PTPN14: variants seen among roughly 807,000 people sequenced by gnomAD.
PTPN14 encodes the protein tyrosine-protein phosphatase non-receptor type 14.
PTPN14 carries 53 observed loss-of-function variants against 126.8 expected under a neutral mutation model. The ratio of observed to expected loss-of-function variants is 0.42; its 90% CI spans 0.34 to 0.53. The LOEUF is 0.53. Ranked by LOEUF, PTPN14 falls within the 20% of genes least tolerant of loss-of-function variation. PTPN14 has a pLI of 0.08. For synonymous variants in PTPN14, 630 were observed against 599.3 expected (o/e 1.05, Z -0.75); for missense variants, 1,257 against 1,552.9 (o/e 0.81, Z 3.20).
intron 18 of PTPN14, among the ~76,000 whole-genome samples, chr1:214,363,217 T>A (rs1163873602): frequency 6.6e-6 from 1 of 152,260 alleles, no homozygotes; most frequent in African/African-American, 2.4e-5. Context: ...GGGCTACAGT[T>A]GGGATTGCCC....
chr1:214,437,887 C>T (rs970732935), intron 3 of PTPN14, among the ~76,000 whole-genome samples: 3 of 152,190 alleles, frequency 2.0e-5, no homozygotes, highest in African/African-American at 7.2e-5. Context: ...TTTAACCAAA[C>T]TTAAATGATA....
intron 1 of PTPN14, chr1:214,532,179 C>A: frequency 3.0e-6 from 1 of 327,918 alleles, no homozygotes; most frequent in South Asian, 3.8e-5. Context: ...TCCTCTCGTT[C>A]TCCTCCCCAG....
rs145657956 is a variant in PTPN14 at position 214,543,382 on chromosome 1, T to C, written c.-155+7801A>G. Among the ~76,000 whole-genome samples the C allele has an allele frequency of 2.9e-3, 441 of 152,200 alleles. 3 individuals carry two copies. Among genetic ancestry groups the C allele is most frequent in the African/African-American group, 0.01 (424 of 41,534 alleles). ...AAGTATAGCAAAATATTAAGAACCA[T>C]AGTATGAGTAACTTCAGAAAATAGC... On this transcript the variant is annotated intron_variant, in intron 1 of 18. Coordinates refer to ENST00000366956, the MANE Select transcript of PTPN14 (RefSeq NM_005401.5).
chr1:214,517,417 G>A (rs1201029164), intron 1 of PTPN14, among the ~76,000 whole-genome samples: 2 of 151,320 alleles, frequency 1.3e-5, no homozygotes, highest in African/African-American at 2.4e-5. Context: ...AAGACAAAGT[G>A]CACATTGAAT....
At chr1:214,525,874 C>T (rs1275486238) in intron 1 of PTPN14, among the ~76,000 whole-genome samples, 1 of 151,794 alleles carries the variant, frequency 6.6e-6, no homozygotes, top group Non-Finnish European at 1.5e-5. Flanking sequence ...TGCAAAAATT[C>T]AAAATGGACT....
At position 214,372,774 on chromosome 1, in the gene PTPN14, G is replaced by A. The variant is rs761473412; in HGVS notation, c.2973C>T (p.His991=). The part of the protein sequence containing the change: ...ATQGPLPHTC[H]DFWQMVWEQG... ...GCTCCCACACCATCTGCCAGAAGTC[G>A]TGGCACGTGTGTGGCAGGGGCCCCT... is the stretch of plus-strand genomic sequence containing the variant. The change falls in exon 16 of 19, where the codon CAC becomes CAT. Residue 991 remains histidine, a synonymous_variant. Coordinates refer to ENST00000366956, the MANE Select transcript of PTPN14 (RefSeq NM_005401.5). 62 of 1,614,060 alleles carry A rather than the reference G, an allele frequency of 3.8e-5. No individual in the cohort carries two copies. The highest frequency in any genetic ancestry group is 1.2e-4 in the South Asian group (11 of 91,082).
rs923276953 is a variant in PTPN14, at chr1:214,384,253, C to T, written c.1602G>A (p.Ser534=). 6.8e-6 allele frequency: 11 copies of T among 1,613,918 alleles called. No individual in the cohort carries two copies. The highest frequency in any genetic ancestry group is 5.3e-5 in the African/African-American group (4 of 74,902). The change falls in exon 13 of 19, where the codon TCG becomes TCA. Residue 534 remains serine, a synonymous_variant. Coordinates refer to ENST00000366956, the MANE Select transcript of PTPN14 (RefSeq NM_005401.5). The surrounding 1 kb of genome is among the most constrained non-coding windows in gnomAD (Gnocchi z 5.3). The stretch of plus-strand genomic sequence containing the variant: ...CCAGCTCTGGGGTGCTCACCGTGTG[C>T]GAGATGGCGCTTGCCCCCGGCTTGC... The part of the protein sequence containing the change: ...VPSKPGASAI[S]HTVSTPELAN...
Position 214,372,703 on chromosome 1 carries a change from C to G in PTPN14, c.3036+8G>C, listed in dbSNP as rs1658247159. On this transcript the variant is annotated splice_region_variant and intron_variant, in intron 16 of 18. Transcript: ENST00000366956. ...GAAAAAGGATGTGGAGTAGGCCATT[C>G]CCCTTACCTCCTCTGCAGTGACCAT... is the stretch of plus-strand genomic sequence containing the variant. The G allele has an allele frequency of 6.2e-7, 1 of 1,614,056 alleles. No homozygotes were observed. Among genetic ancestry groups the G allele is most frequent in the Admixed American group, 1.7e-5 (1 of 60,018 alleles).
At chr1:214,464,216 CAAA>C (rs11316078) in intron 2 of PTPN14, among the ~76,000 whole-genome samples, 4 of 121,968 alleles carry the variant, frequency 3.3e-5, no homozygotes, top group Non-Finnish European at 6.7e-5. Flanking sequence ...TAGAAACAAC[CAAA>C]AAAAAAAAAA....
intron 5 of PTPN14, among the ~76,000 whole-genome samples, chr1:214,410,696 T>C (rs915085878): frequency 7.2e-5 from 11 of 152,202 alleles, no homozygotes; most frequent in Admixed American, 3.3e-4. Flanking sequence ...CCAGCACCAA[T>C]TGCTGAATAT....
intron 2 of PTPN14, among the ~76,000 whole-genome samples, chr1:214,454,715 A>G (rs1423052725): frequency 6.6e-6 from 1 of 152,186 alleles, no homozygotes; most frequent in Non-Finnish European, 1.5e-5. Context: ...AACCTAATTC[A>G]TGGCATAAAT....
rs1294195456 is a variant in PTPN14 at position 214,414,630 on chromosome 1, T to C, written c.441A>G (p.Gln147=). The change falls in exon 4 of 19, where the codon CAA becomes CAG. Residue 147 remains glutamine (Q), a splice_region_variant and synonymous_variant. Transcript: ENST00000366956. ...QVIRLAGLAV[Q]ADFGDYNQFD... ...ATGCTGCTCATAACTATGTCTTACC[T>C]TGCACAGCTAGGCCGGCTAGCCGAA... 2 of 1,612,446 alleles carry C rather than the reference T, an allele frequency of 1.2e-6. No individual in the cohort carries two copies. The highest frequency in any genetic ancestry group is 1.7e-6 in the Non-Finnish European group (2 of 1,178,590).
In PTPN14 at chr1:214,439,617, C is replaced by G. The variant is rs1313578514; in HGVS notation, c.344+12188G>C. 2.0e-5 allele frequency among the ~76,000 whole-genome samples: 3 copies of G among 152,186 alleles called. No homozygotes were observed. The South Asian group carries it at 6.2e-4, about 32-fold the overall frequency. ...CGAGCTGACCTTGAGAGTTAGGAGG[C>G]TGTAAACCGAAACATGTTGCAACAT... On this transcript the variant is annotated intron_variant, in intron 3 of 18. Transcript: ENST00000366956.
intron 14 of PTPN14, among the ~76,000 whole-genome samples, chr1:214,376,808 T>C (rs1180631518): frequency 6.6e-6 from 1 of 152,230 alleles, no homozygotes; most frequent in African/African-American, 2.4e-5. Flanking sequence ...TCCACAGTTC[T>C]ATAGCTCTGA....
At chr1:214,492,361 C>G (rs370575249) in intron 1 of PTPN14, among the ~76,000 whole-genome samples, 11 of 152,140 alleles carry the variant, frequency 7.2e-5, no homozygotes, top group Admixed American at 5.2e-4. Flanking sequence ...GCAGATTCAG[C>G]ATCTGTAAAT....
chr1:214,465,737 G>A (rs932850159), intron 1 of PTPN14, among the ~76,000 whole-genome samples: 1 of 151,866 alleles, frequency 6.6e-6, no homozygotes, highest in Non-Finnish European at 1.5e-5. Context: ...ACAACCCTAT[G>A]GTGTCTATTT....
chr1:214,491,844 G>A (rs745753841), intron 1 of PTPN14, among the ~76,000 whole-genome samples: 4 of 152,090 alleles, frequency 2.6e-5, no homozygotes, highest in African/African-American at 7.2e-5. Context: ...CAGAGCAAAC[G>A]TCCACCTGCT....
At chr1:214,481,987 CAAA>C (rs749522633) in intron 1 of PTPN14, among the ~76,000 whole-genome samples, 3 of 86,000 alleles carry the variant, frequency 3.5e-5, no homozygotes, top group Non-Finnish European at 4.8e-5. Flanking sequence ...AGTCTGTCTC[CAAA>C]AAAAAAAAAA....
chr1:214,414,541 T>C lies in PTPN14; in HGVS notation c.442+88A>G, dbSNP rs1254003370. 7.5e-6 allele frequency: 9 copies of C among 1,194,048 alleles called. 1 individual carries two copies. In the African/African-American group the frequency reaches 1.2e-4, roughly 16 times the overall value. 74.0% of individuals were successfully genotyped at this position (1,194,048 alleles called of 1,614,324 possible). On this transcript the variant is annotated intron_variant, in intron 4 of 18. Transcript: ENST00000366956. Reference sequence around the variant, plus strand: ...GAGCATTACTAAGGGATCATTTAAGTAAATCTAACTTCTCACTCTGAGAGG... The same window carrying C: ...GAGCATTACTAAGGGATCATTTAAGCAAATCTAACTTCTCACTCTGAGAGG...
Sources: gnomAD v4.1 joint callset for allele counts (sites outside exome capture counted in the v4.1 genomes callset) on GRCh38, gnomAD v4.1.1 for gene constraint, Gnocchi (gnomAD v3.1) non-coding constraint, MANE v1.5 for transcripts, NCBI Gene and HGNC (gene_info 2026-07-23, HGNC 2026-07-21) for gene names.